WDPCP: variants seen among roughly 807,000 people sequenced by gnomAD.
WDPCP encodes WD repeat-containing and planar cell polarity effector protein fritz homolog.
WDPCP carries 71 observed loss-of-function variants against 93.1 expected under a neutral mutation model. That is an observed-to-expected ratio of 0.76 (90% CI 0.63 to 0.93). The LOEUF (loss-of-function observed/expected upper bound fraction) is 0.93. WDPCP is among the 40% of genes least tolerant of loss of function. WDPCP has a pLI of 0.00. For synonymous variants in WDPCP, 315 were observed against 315.0 expected (o/e 1.00, Z 0.00); for missense variants, 844 against 887.4 (o/e 0.95, Z 0.62).
Position 63,412,497 on chromosome 2 carries a change from C to A in WDPCP, c.826-7840G>T, listed in dbSNP as rs151239393. Among the ~76,000 whole-genome samples, 22 of 152,172 alleles carry A rather than the reference C, an allele frequency of 1.4e-4. No individual in the cohort carries two copies. The East Asian group carries it at 4.3e-3, about 29-fold the overall frequency. ...GACAAGGATGCCCACTCTCACCACT[C>A]CTCTTCAACACAGTACTAGAAGTCC... On this transcript the variant is annotated intron_variant, in intron 9 of 17. Transcript: ENST00000272321.
At position 63,136,108 on chromosome 2, in the gene WDPCP, T is replaced by C. The variant is rs11899377; in HGVS notation, c.2191-14052A>G. Among the ~76,000 whole-genome samples, 247 of 152,336 alleles carry C rather than the reference T, an allele frequency of 1.6e-3. 1 individual carries two copies. The highest frequency in any genetic ancestry group is 5.3e-3 in the African/African-American group (220 of 41,572). On this transcript the variant is annotated intron_variant, in intron 17 of 17. Coordinates refer to ENST00000272321, the MANE Select transcript of WDPCP (RefSeq NM_015910.7). ...TATTCTATTAAAGATGTAGCCATTG[T>C]AGTACCAAAGGTTTAGTAAACTAAT...
At chr2:63,372,102 G>T (rs1409614756) in intron 12 of WDPCP, among the ~76,000 whole-genome samples, 4 of 152,158 alleles carry the variant, frequency 2.6e-5, no homozygotes, top group Non-Finnish European at 5.9e-5. Context: ...ACTCATGGCG[G>T]AAGGCAAAGG....
At chr2:63,469,106 T>C (rs545375878) in intron 6 of WDPCP, among the ~76,000 whole-genome samples, 7 of 151,084 alleles carry the variant, frequency 4.6e-5, no homozygotes, top group Non-Finnish European at 7.4e-5. Context: ...AAGCTCAATA[T>C]CGCTGAGCAT....
chr2:63,781,133 T>C (rs1020101098), intron 2 of WDPCP, among the ~76,000 whole-genome samples: 4 of 152,216 alleles, frequency 2.6e-5, no homozygotes, highest in Non-Finnish European at 5.9e-5. Context: ...TCTGTATTAT[T>C]ACTTCAAATC....
intron 2 of WDPCP, among the ~76,000 whole-genome samples, chr2:63,684,022 C>T (rs1160773092): frequency 6.6e-6 from 1 of 152,082 alleles, no homozygotes; most frequent in African/African-American, 2.4e-5. Flanking sequence ...ACAATGATAG[C>T]CGGAGACTTC....
chr2:63,676,268 C>T (rs1575744879), intron 2 of WDPCP, among the ~76,000 whole-genome samples: 1 of 152,158 alleles, frequency 6.6e-6, no homozygotes, highest in South Asian at 2.1e-4. Flanking sequence ...AAGGCAATTG[C>T]TAATTCTGAA....
In WDPCP at chr2:63,196,401, TTTTTGCAAAATACCC is replaced by T. The variant is rs1425065993; in HGVS notation, c.1916-21584_1916-21570del. ...GCCAGCAGGTGCTAAAATCTTGCAC[TTTTTGCAAAATACCC>T]TTTTATCTTGTTTTGAAAATACAGC... On this transcript the variant is annotated intron_variant, in intron 14 of 17. Transcript: ENST00000272321. Among the ~76,000 whole-genome samples the T allele has an allele frequency of 3.3e-5, 5 of 152,336 alleles. No homozygotes were observed. In the East Asian group the frequency reaches 5.8e-4, roughly 18 times the overall value.
intron 2 of WDPCP, among the ~76,000 whole-genome samples, chr2:63,723,861 G>A (rs1010038950): frequency 2.0e-5 from 3 of 152,094 alleles, no homozygotes; most frequent in Non-Finnish European, 4.4e-5. Flanking sequence ...CGACATCCAG[G>A]ACATTGACTT....
At chr2:63,795,548 AG>A (rs1670602573) in intron 2 of WDPCP, among the ~76,000 whole-genome samples, 1 of 151,472 alleles carries the variant, frequency 6.6e-6, no homozygotes, top group African/African-American at 2.4e-5. Context: ...AGAAAGAGAG[AG>A]GGGGGAAGAA....
chr2:63,627,100 CTTAG>C lies in WDPCP; in HGVS notation n.488+23555_488+23558del, dbSNP rs1157267970. 1.2e-4 allele frequency among the ~76,000 whole-genome samples: 18 copies of C among 152,034 alleles called. No homozygotes were observed. The East Asian group carries it at 3.1e-3, about 26-fold the overall frequency. On this transcript the variant is annotated intron_variant and non_coding_transcript_variant, in intron 3 of 4. Transcript: ENST00000467687. ...TAATAAGTAATTTTTCTGCTTTGAC[CTTAG>C]TTATTTTGTTTTCTAAAACATTAAT...
chr2:63,391,141 A>G (rs984198399), intron 10 of WDPCP, among the ~76,000 whole-genome samples: 3 of 152,206 alleles, frequency 2.0e-5, no homozygotes, highest in African/African-American at 7.2e-5. Context: ...AAAATCCTCA[A>G]TAAAACACTG....
In WDPCP at chr2:63,506,563, A is replaced by C. The variant is rs1701887582; in HGVS notation, c.76-13623T>G. ...CAATAGATCTGAGAAAGCAGAAAGC[A>C]AGTACCAATGGCGGGGTGGAGGAAG... On this transcript the variant is annotated intron_variant, in intron 1 of 17. Coordinates refer to ENST00000272321, the MANE Select transcript of WDPCP (RefSeq NM_015910.7). Among the ~76,000 whole-genome samples, 3 of 152,122 alleles carry C rather than the reference A, an allele frequency of 2.0e-5. No individual in the cohort carries two copies. The South Asian group carries it at 6.2e-4, about 31-fold the overall frequency.
At chr2:63,783,591 A>G (rs1224372129) in intron 2 of WDPCP, among the ~76,000 whole-genome samples, 1 of 152,244 alleles carries the variant, frequency 6.6e-6, no homozygotes, top group Non-Finnish European at 1.5e-5. Context: ...CTATTCAGCC[A>G]TAAAAAAGAA....
chr2:63,393,005 A>G (rs1010405531), intron 10 of WDPCP, among the ~76,000 whole-genome samples: 10 of 152,336 alleles, frequency 6.6e-5, no homozygotes, highest in Non-Finnish European at 1.3e-4. Flanking sequence ...CTAGAACTAG[A>G]AATACCATTT....
At chr2:63,307,063 TG>T (rs751113020) in intron 13 of WDPCP, among the ~76,000 whole-genome samples, 3 of 152,190 alleles carry the variant, frequency 2.0e-5, no homozygotes, top group Non-Finnish European at 2.9e-5. Context: ...ACAAAATCAA[TG>T]TGCAAAAATC....
intron 1 of WDPCP, among the ~76,000 whole-genome samples, chr2:63,576,560 T>C (rs1158196982): frequency 2.6e-5 from 4 of 152,216 alleles, no homozygotes; most frequent in Non-Finnish European, 5.9e-5. Context: ...CTCTGAACCC[T>C]GTCCTTTTGG....
intron 2 of WDPCP, among the ~76,000 whole-genome samples, chr2:63,694,731 T>C (rs1668939831): frequency 6.6e-6 from 1 of 152,134 alleles, no homozygotes; most frequent in South Asian, 2.1e-4. Context: ...CTGACTTTGG[T>C]TCATATTTGT....
chr2:63,328,210 T>TCTCTGTAAAATGGACCGATCAGCA lies in WDPCP; in HGVS notation c.1749-14900_1749-14899insTGCTGATCGGTCCATTTTACAGAG, dbSNP rs1687710676. On this transcript the variant is annotated intron_variant, in intron 12 of 17. Coordinates refer to ENST00000272321, the MANE Select transcript of WDPCP (RefSeq NM_015910.7). ...ACTCCGTCAAAACGGACCCGTCAGC[T>TCTCTGTAAAATGGACCGATCAGCA]CTCTGTAAAATGGACCAATCAGCAG... is the stretch of plus-strand genomic sequence containing the variant. Among the ~76,000 whole-genome samples the TCTCTGTAAAATGGACCGATCAGCA allele has an allele frequency of 2.1e-5, 3 of 145,906 alleles. No homozygotes were observed. The East Asian group carries it at 6.2e-4, about 30-fold the overall frequency.
intron 10 of WDPCP, among the ~76,000 whole-genome samples, chr2:63,401,638 C>G (rs1366058224): frequency 6.6e-6 from 1 of 152,104 alleles, no homozygotes; most frequent in Non-Finnish European, 1.5e-5. Context: ...AACCCTGTCT[C>G]TACTAAAAAT....
Sources: allele counts gnomAD v4.1 joint callset (sites outside exome capture counted in the v4.1 genomes callset), GRCh38; gene constraint gnomAD v4.1.1; transcripts MANE v1.5; gene names NCBI Gene and HGNC (gene_info 2026-07-23, HGNC 2026-07-21).